NHS: variants seen among roughly 807,000 people sequenced by gnomAD.
The protein encoded by NHS is actin remodeling regulator NHS.
NHS carries 5 observed loss-of-function variants against 72.5 expected under a neutral mutation model. That is an observed-to-expected ratio of 0.07 (90% CI 0.04 to 0.14). The LOEUF (loss-of-function observed/expected upper bound fraction) is 0.14. Ranked by LOEUF, NHS falls within the 10% of genes least tolerant of loss-of-function variation. NHS has a pLI of 1.00. For missense variants in NHS, 1,072 were observed against 1,355.7 expected (o/e 0.79, Z 3.29); for synonymous variants, 464 against 547.7 (o/e 0.85, Z 2.13).
chrX:17,599,608 G>A (rs1175496726), intron 1 of NHS, among the ~76,000 whole-genome samples: 1 of 109,495 alleles, frequency 9.1e-6, no homozygotes, highest in Non-Finnish European at 1.9e-5. Context: ...ATTATATACT[G>A]ATATATTATA....
intron 1 of NHS, among the ~76,000 whole-genome samples, chrX:17,492,075 A>G (rs183077286): frequency 2.1e-4 from 23 of 110,579 alleles, no homozygotes; most frequent in Non-Finnish European, 4.0e-4. Flanking sequence ...GATCTTTTTA[A>G]AAAAACAGCT....
chrX:17,417,263 A>T (rs1056472780), intron 1 of NHS, among the ~76,000 whole-genome samples: 2 of 111,880 alleles, frequency 1.8e-5, no homozygotes, highest in Non-Finnish European at 3.8e-5. Context: ...TGTCACAGCT[A>T]CTCAAAGTCT....
chrX:17,491,819 G>T (rs1314041506), intron 1 of NHS, among the ~76,000 whole-genome samples: 1 of 81,657 alleles, frequency 1.2e-5, no homozygotes, highest in Non-Finnish European at 2.3e-5. Flanking sequence ...ACTTGTTATT[G>T]TTCTATTCAG....
At position 17,726,284 on chromosome X, in the gene NHS, ACAC is replaced by A. The variant is rs1196150190; in HGVS notation, c.2187_2189del (p.His730del). 8.3e-7 allele frequency: 1 copy of A among 1,211,551 alleles called. No individual in the cohort carries two copies. Among genetic ancestry groups the A allele is most frequent in the Non-Finnish European group, 1.1e-6 (1 of 895,407 alleles). On this transcript the variant is annotated inframe_deletion, in exon 7 of 9. Transcript: ENST00000676302. ...CAAGTGACAGTGAGTGGAATTACCT[ACAC>A]CACCACCATGATGCCTCCTGCCGCC...
chrX:17,605,461 C>T (rs767321229), intron 1 of NHS, among the ~76,000 whole-genome samples: 2 of 111,445 alleles, frequency 1.8e-5, no homozygotes, highest in Non-Finnish European at 3.8e-5. Context: ...TGGGTAGCTT[C>T]GTTAACTTAG....
chrX:17,664,447 C>T (rs1234233294), intron 1 of NHS, among the ~76,000 whole-genome samples: 1 of 111,917 alleles, frequency 8.9e-6, no homozygotes, highest in Non-Finnish European at 1.9e-5. Flanking sequence ...AAAAAGAAAA[C>T]CAGAAAACTC....
At chrX:17,387,716 C>T (rs1437651596) in intron 1 of NHS, among the ~76,000 whole-genome samples, 1 of 112,342 alleles carries the variant, frequency 8.9e-6, no homozygotes, top group Non-Finnish European at 1.9e-5. Context: ...GTTCAAATCC[C>T]AGCTCCACTC....
intron 2 of NHS, among the ~76,000 whole-genome samples, chrX:17,689,699 T>G (rs886125672): frequency 1.8e-5 from 2 of 112,350 alleles, no homozygotes; most frequent in African/African-American, 6.5e-5. Context: ...TGGAACTGAA[T>G]CAAGTTTTGC....
At chrX:17,537,784 G>T (rs749467973) in intron 1 of NHS, among the ~76,000 whole-genome samples, 1 of 112,136 alleles carries the variant, frequency 8.9e-6, no homozygotes, top group South Asian at 3.7e-4. Flanking sequence ...TGATGTCAGA[G>T]GGTTTATTCA....
chrX:17,604,228 TCACA>T lies in NHS; in HGVS notation c.566-83477_566-83474del, dbSNP rs59367930. The stretch of plus-strand genomic sequence containing the variant: ...ATGGTTTCCTCAGGATATTAATAGA[TCACA>T]CACACACACACACACACACACACAC... On this transcript the variant is annotated intron_variant, in intron 1 of 8. Coordinates refer to ENST00000676302, the MANE Select transcript of NHS (RefSeq NM_001291867.2). 4.9e-3 allele frequency among the ~76,000 whole-genome samples: 455 copies of T among 92,186 alleles called. 3 individuals carry two copies. The highest frequency in any genetic ancestry group is 0.043 in the East Asian group (128 of 2,983). 80.1% of individuals were successfully genotyped at this position (92,186 alleles called of 115,157 possible).
intron 1 of NHS, among the ~76,000 whole-genome samples, chrX:17,494,636 G>A: frequency 9.0e-6 from 1 of 111,536 alleles, no homozygotes; most frequent in Non-Finnish European, 1.9e-5. Context: ...TCCCTATGGG[G>A]CATCACAGAC....
chrX:17,488,658 T>C (rs147834346), intron 1 of NHS, among the ~76,000 whole-genome samples: 1,135 of 112,172 alleles, frequency 0.01, 15 homozygotes, highest in African/African-American at 0.035. Context: ...ATTTGTGATA[T>C]AGTAAAATAT....
At chrX:17,385,169 G>T (rs1188248973) in intron 1 of NHS, among the ~76,000 whole-genome samples, 2 of 111,990 alleles carry the variant, frequency 1.8e-5, no homozygotes, top group East Asian at 5.6e-4. Flanking sequence ...GTCAAGTTTT[G>T]TTTCTGACAT....
chrX:17,469,294 T>C (rs1233595097), intron 1 of NHS, among the ~76,000 whole-genome samples: 1 of 112,526 alleles, frequency 8.9e-6, no homozygotes, highest in African/African-American at 3.2e-5. Context: ...GTGTGACTTT[T>C]GGAAAACATG....
chrX:17,649,448 T>G (rs1328950844), intron 1 of NHS, among the ~76,000 whole-genome samples: 1 of 111,312 alleles, frequency 9.0e-6, no homozygotes, highest in Non-Finnish European at 1.9e-5. Flanking sequence ...GAGGTTAGTC[T>G]TTGGGGGCTA....
intron 3 of NHS, among the ~76,000 whole-genome samples, chrX:17,704,989 G>A (rs1300367139): frequency 8.9e-6 from 1 of 112,269 alleles, no homozygotes; most frequent in African/African-American, 3.2e-5. Flanking sequence ...CTACAGTCTA[G>A]TCCAGTGAAA....
chrX:17,705,559 A>G (rs992797610), intron 3 of NHS: 1 of 112,622 alleles, frequency 8.9e-6, no homozygotes, highest in African/African-American at 3.3e-5. Context: ...TATAATTAAA[A>G]ACCAAAGTGA....
At chrX:17,408,676 AT>A (rs147732191) in intron 1 of NHS, among the ~76,000 whole-genome samples, 2 of 111,172 alleles carry the variant, frequency 1.8e-5, no homozygotes, top group South Asian at 3.9e-4. Context: ...CCCTGAGAGA[AT>A]TTTTTTTCCA....
intron 1 of NHS, among the ~76,000 whole-genome samples, chrX:17,529,520 C>T: frequency 9.0e-6 from 1 of 111,588 alleles, no homozygotes; most frequent in Non-Finnish European, 1.9e-5. Flanking sequence ...ACTGCAATGC[C>T]TTTAGTGTCA....
Sources: gnomAD v4.1 joint callset for allele counts (sites outside exome capture counted in the v4.1 genomes callset) on GRCh38, gnomAD v4.1.1 for gene constraint, MANE v1.5 for transcripts, NCBI Gene and HGNC (gene_info 2026-07-23, HGNC 2026-07-21) for gene names.